The following NAA25 variants were observed in gnomAD, a reference collection of about 807,000 sequenced individuals.
NAA25 encodes N-alpha-acetyltransferase 25, NatB auxiliary subunit.
A neutral mutation model predicts 132.5 loss-of-function variants in NAA25; 30 were observed. The ratio of observed to expected loss-of-function variants is 0.23; its 90% CI spans 0.17 to 0.31. The LOEUF is 0.31. Ranked by LOEUF, NAA25 falls within the 10% of genes least tolerant of loss-of-function variation. The pLI is 1.00. For missense variants in NAA25, 771 were observed against 1,150.4 expected (o/e 0.67, Z 4.77); for synonymous variants, 359 against 401.9 (o/e 0.89, Z 1.28).
chr12:112,100,713 G>A (rs563131744), intron 1 of NAA25, among the ~76,000 whole-genome samples: 317 of 141,188 alleles, frequency 2.2e-3, no homozygotes, highest in Non-Finnish European at 4.0e-3. Flanking sequence ...TCCGCCTCCC[G>A]GGCTCACGCC....
Position 112,063,653 on chromosome 12 carries a change from CTAAGTGT to C in NAA25, c.1150-2272_1150-2266del, listed in dbSNP as rs530805331. Among the ~76,000 whole-genome samples, 240 of 152,186 alleles carry C rather than the reference CTAAGTGT, an allele frequency of 1.6e-3. 2 individuals are homozygous for C. The highest frequency in any genetic ancestry group is 5.7e-3 in the African/African-American group (235 of 41,508). ...AGAGAACAAAATCTCATGTTTTATC[CTAAGTGT>C]ATTGGGGGAAATTGATTTGTTATAA... On this transcript the variant is annotated intron_variant, in intron 11 of 23. Transcript: ENST00000261745.
At chr12:112,061,092 A>T in intron 12 of NAA25, 89 bp downstream of exon 12, 1 of 1,008,398 alleles carries the variant, frequency 9.9e-7, no homozygotes, top group Non-Finnish European at 1.5e-6. Context: ...AAAACTCATT[A>T]AAACAGGGTG....
intron 15 of NAA25, among the ~76,000 whole-genome samples, chr12:112,052,824 G>A (rs976102265): frequency 6.6e-6 from 1 of 152,242 alleles, no homozygotes; most frequent in Non-Finnish European, 1.5e-5. Flanking sequence ...TTCAGGCGAT[G>A]AGGCTTAGAA....
In NAA25 at chr12:112,091,501, T is replaced by C. The variant is rs76539599; in HGVS notation, c.145-637A>G. On this transcript the variant is annotated intron_variant, in intron 2 of 23. Transcript: ENST00000261745. ...CCCACAAATTCAAGACTAGCCTAGG[T>C]AGGCAACGTGGTGAGATCCCATTTT... Among the ~76,000 whole-genome samples, 906 of 152,068 alleles carry C rather than the reference T, an allele frequency of 6.0e-3. 11 individuals carry two copies. The highest frequency in any genetic ancestry group is 0.02 in the African/African-American group (844 of 41,478).
chr12:112,083,721 AAAT>A (rs1312478184), intron 4 of NAA25, among the ~76,000 whole-genome samples: 1 of 152,092 alleles, frequency 6.6e-6, no homozygotes, highest in African/African-American at 2.4e-5. Flanking sequence ...TCAAAAGAAA[AAAT>A]AATAATTTTG....
intron 11 of NAA25, chr12:112,065,704 T>G (rs943536449): frequency 6.6e-6 from 1 of 152,136 alleles, no homozygotes; most frequent in South Asian, 2.1e-4. Context: ...ATCATTTTAT[T>G]GTTTAGCTAA....
chr12:112,048,904 G>A (rs1361537496), intron 15 of NAA25, among the ~76,000 whole-genome samples: 2 of 139,730 alleles, frequency 1.4e-5, no homozygotes, highest in Non-Finnish European at 3.0e-5. Context: ...CTCTCCTTCA[G>A]AAAAAGACAG....
At chr12:112,045,214 C>T (rs1244803742) in intron 17 of NAA25, among the ~76,000 whole-genome samples, 2 of 151,728 alleles carry the variant, frequency 1.3e-5, no homozygotes, top group Non-Finnish European at 2.9e-5. Context: ...GGGTGTGGCC[C>T]GGTGCAGTGG....
chr12:112,029,371 G>A lies in NAA25; in HGVS notation c.*160C>T, dbSNP rs1225509638. The A allele has an allele frequency of 9.8e-6, 11 of 1,126,704 alleles. No individual in the cohort carries two copies. The highest frequency in any genetic ancestry group is 1.4e-5 in the Non-Finnish European group (11 of 803,520). 69.8% of individuals were successfully genotyped at this position (1,126,704 alleles called of 1,614,324 possible). On this transcript the variant is annotated 3_prime_UTR_variant, in exon 24 of 24. Coordinates refer to ENST00000261745, the MANE Select transcript of NAA25 (RefSeq NM_024953.4). ...TTTATATACAATAATTTAATCAGTT[G>A]TATATATTTAACACCTAAAAAAATT...
At position 112,074,576 on chromosome 12, in the gene NAA25, T is replaced by C. The variant is rs1008023118; in HGVS notation, c.866+99A>G. 17 of 637,376 alleles carry C rather than the reference T, an allele frequency of 2.7e-5. No individual in the cohort carries two copies. The African/African-American group carries it at 2.8e-4, about 10-fold the overall frequency. 39.5% of individuals were successfully genotyped at this position (637,376 alleles called of 1,614,324 possible). ...GTCTTACTTTGAAAGGAATACTTTA[T>C]TGAGACAGAAAAAGAGAATTCAATT... On this transcript the variant is annotated intron_variant, in intron 9 of 23. Transcript: ENST00000261745.
At chr12:112,082,485 TC>T (rs1325691662) in intron 4 of NAA25, among the ~76,000 whole-genome samples, 1 of 149,398 alleles carries the variant, frequency 6.7e-6, no homozygotes, top group East Asian at 2.0e-4. Context: ...GGTGGGAAGA[TC>T]ACCTAAGCCC....
At chr12:112,090,158 G>A (rs1166593346) in intron 3 of NAA25, among the ~76,000 whole-genome samples, 1 of 151,928 alleles carries the variant, frequency 6.6e-6, no homozygotes, top group Non-Finnish European at 1.5e-5. Flanking sequence ...TTAGGTGGTA[G>A]GTTCATGAGT....
At chr12:112,071,644 A>G (rs991690090) in intron 10 of NAA25, among the ~76,000 whole-genome samples, 1 of 152,174 alleles carries the variant, frequency 6.6e-6, no homozygotes, top group African/African-American at 2.4e-5. Context: ...TTTTGACTTT[A>G]TTGTTGGGTC....
intron 10 of NAA25, 178 bp from the exon 11 acceptor site, chr12:112,069,170 C>T (rs543550697): frequency 1.3e-4 from 74 of 549,872 alleles, no homozygotes; most frequent in Non-Finnish European, 2.3e-4. Context: ...CATTGTTCTA[C>T]TCTTTCCCCC....
At chr12:112,093,451 G>C (rs899029100) in intron 1 of NAA25, among the ~76,000 whole-genome samples, 1 of 152,000 alleles carries the variant, frequency 6.6e-6, no homozygotes, top group African/African-American at 2.4e-5. Flanking sequence ...TGAGGCACGA[G>C]AATCGCTTGA....
intron 4 of NAA25, among the ~76,000 whole-genome samples, chr12:112,085,934 T>C (rs1028025220): frequency 7.4e-6 from 1 of 136,004 alleles, no homozygotes; most frequent in Non-Finnish European, 1.5e-5. Flanking sequence ...GAAGAATCGC[T>C]TGAACCCGGG....
Position 112,074,722 on chromosome 12 carries a change from G to A in NAA25, c.819C>T (p.Val273=). The A allele has an allele frequency of 6.2e-7, 1 of 1,611,916 alleles. No homozygotes were observed. The stretch of plus-strand genomic sequence containing the variant: ...TCCAGGCCTCTTCAATCAGTCGAAA[G>A]ACAGAATCGAAATAAGTCAGATAGA... ...WQFYLTYFDS[V]FRLIEEAWSP... The change falls in exon 9 of 24, where the codon GTC becomes GTT. Residue 273 remains valine (V), a synonymous_variant. Transcript: ENST00000261745.
At position 112,059,111 on chromosome 12, in the gene NAA25, A is replaced by C. The variant is rs931123856; in HGVS notation, c.1447+1159T>G. On this transcript the variant is annotated intron_variant, in intron 13 of 23. Coordinates refer to ENST00000261745, the MANE Select transcript of NAA25 (RefSeq NM_024953.4). Reference sequence around the variant, plus strand: ...AAAAAAAAAAAAAAAAAAAAAAAAAAAAAAAAAAAAAACTAGCTGGGCTTG... The same window carrying C: ...AAAAAAAAAAAAAAAAAAAAAAAAACAAAAAAAAAAAACTAGCTGGGCTTG... Among the ~76,000 whole-genome samples, 34 of 98,402 alleles carry C rather than the reference A, an allele frequency of 3.5e-4. 2 individuals carry two copies. The East Asian group carries it at 4.9e-3, about 14-fold the overall frequency. 64.6% of individuals were successfully genotyped at this position (98,402 alleles called of 152,430 possible).
chr12:112,086,880 G>A (rs1287751097), intron 4 of NAA25, among the ~76,000 whole-genome samples: 7 of 134,372 alleles, frequency 5.2e-5, no homozygotes, highest in Non-Finnish European at 1.1e-4. Context: ...GAGTGGTGGC[G>A]CAAGCATGTA....
Sources: gnomAD v4.1 joint callset for allele counts (sites outside exome capture counted in the v4.1 genomes callset) on GRCh38, gnomAD v4.1.1 for gene constraint, MANE v1.5 for transcripts, NCBI Gene and HGNC (gene_info 2026-07-23, HGNC 2026-07-21) for gene names.